IL1RAPL2: variants seen among roughly 807,000 people sequenced by gnomAD.
The protein encoded by IL1RAPL2 is X-linked interleukin-1 receptor accessory protein-like 2.
IL1RAPL2 carries 3 observed loss-of-function variants against 44.1 expected under a neutral mutation model. The observed-to-expected ratio is 0.07, with a 90% CI of 0.03 to 0.18. IL1RAPL2 has a LOEUF of 0.18. Ranked by LOEUF, IL1RAPL2 falls within the 10% of genes least tolerant of loss-of-function variation. The probability of loss-of-function intolerance (pLI) is 1.00; values close to 1 mark genes in which losing one functional copy is unlikely to be tolerated. For synonymous variants in IL1RAPL2, 181 were observed against 178.8 expected, an observed-to-expected ratio of 1.01 and a Z score of -0.10; for missense variants, 391 against 496.4, an observed-to-expected ratio of 0.79 and a Z score of 2.02.
intron 2 of IL1RAPL2, among the ~76,000 whole-genome samples, chrX:105,114,888 T>C (rs904122563): frequency 8.9e-6 from 1 of 111,973 alleles, no homozygotes; most frequent in Non-Finnish European, 1.9e-5. Context: ...AGTTGTCTTA[T>C]TAACAGCTAG....
intron 2 of IL1RAPL2, among the ~76,000 whole-genome samples, chrX:105,012,668 CACACACAG>C (rs2031081283): frequency 2.4e-5 from 2 of 83,848 alleles, no homozygotes; most frequent in Admixed American, 2.6e-4. Context: ...CACACACACA[CACACACAG>C]AGAGAGAGAG....
intron 2 of IL1RAPL2, among the ~76,000 whole-genome samples, chrX:104,721,780 T>C (rs1931681592): frequency 8.9e-6 from 1 of 111,958 alleles, no homozygotes; most frequent in Non-Finnish European, 1.9e-5. Flanking sequence ...TACCTTTCTT[T>C]AAGACTCAAA....
intron 2 of IL1RAPL2, among the ~76,000 whole-genome samples, chrX:104,806,377 C>A (rs1365300954): frequency 1.8e-5 from 2 of 112,327 alleles, no homozygotes; most frequent in Non-Finnish European, 1.9e-5. Context: ...TCAAGAGTTT[C>A]CTCAGTTCAG....
intron 2 of IL1RAPL2, among the ~76,000 whole-genome samples, chrX:105,030,220 CT>C (rs1253375417): frequency 9.0e-6 from 1 of 111,357 alleles, no homozygotes; most frequent in Non-Finnish European, 1.9e-5. Flanking sequence ...ATGGTAGTTT[CT>C]TTTGCTGTGC....
intron 2 of IL1RAPL2, among the ~76,000 whole-genome samples, chrX:104,908,842 T>C (rs1231423698): frequency 2.7e-5 from 3 of 110,740 alleles, no homozygotes; most frequent in South Asian, 3.9e-4. Flanking sequence ...TGAATCTGAA[T>C]GTTGGCCTGC....
At chrX:105,658,977 A>T (rs1042288000) in intron 6 of IL1RAPL2, among the ~76,000 whole-genome samples, 7 of 107,154 alleles carry the variant, frequency 6.5e-5, no homozygotes, top group Non-Finnish European at 1.3e-4. Context: ...AAAAAAAAAA[A>T]AAAATTAGGT....
intron 6 of IL1RAPL2, among the ~76,000 whole-genome samples, chrX:105,582,309 A>G (rs1405993413): frequency 9.0e-6 from 1 of 110,974 alleles, no homozygotes; most frequent in Non-Finnish European, 1.9e-5. Flanking sequence ...AGTCTTTTGT[A>G]TTTCCTACAA....
intron 1 of IL1RAPL2, among the ~76,000 whole-genome samples, chrX:104,569,651 C>G (rs771083741): frequency 3.1e-4 from 35 of 112,613 alleles, no homozygotes; most frequent in Non-Finnish European, 6.2e-4. Context: ...GTGACTATTT[C>G]AGTTTTGTTT....
intron 6 of IL1RAPL2, among the ~76,000 whole-genome samples, chrX:105,664,701 G>C (rs1360031726): frequency 8.9e-6 from 1 of 111,759 alleles, no homozygotes; most frequent in Non-Finnish European, 1.9e-5. Flanking sequence ...CTGGATCAGA[G>C]GGCCATAACA....
chrX:104,793,395 A>C (rs1223239303), intron 2 of IL1RAPL2, among the ~76,000 whole-genome samples: 1 of 111,893 alleles, frequency 8.9e-6, no homozygotes, highest in African/African-American at 3.3e-5. Flanking sequence ...ATATATGTTT[A>C]GGATATAATT....
intron 6 of IL1RAPL2, among the ~76,000 whole-genome samples, chrX:105,683,380 TTACTC>T (rs1247830681): frequency 9.0e-6 from 1 of 111,693 alleles, no homozygotes; most frequent in African/African-American, 3.3e-5. Flanking sequence ...AACTGACACT[TTACTC>T]TAGGACCCAT....
chrX:105,312,497 T>C (rs1354083618), intron 5 of IL1RAPL2, among the ~76,000 whole-genome samples: 3 of 111,909 alleles, frequency 2.7e-5, no homozygotes, highest in Non-Finnish European at 5.7e-5. Flanking sequence ...ACTTGCTCTT[T>C]TTTCTTTTTG....
intron 2 of IL1RAPL2, among the ~76,000 whole-genome samples, chrX:105,170,129 TA>T (rs2033410741): frequency 9.0e-6 from 1 of 110,783 alleles, no homozygotes; most frequent in South Asian, 3.9e-4. Flanking sequence ...AATGACCCTC[TA>T]AAAAAATGTA....
At chrX:104,929,495 A>C (rs1398500129) in intron 2 of IL1RAPL2, among the ~76,000 whole-genome samples, 1 of 111,783 alleles carries the variant, frequency 8.9e-6, no homozygotes, top group African/African-American at 3.3e-5. Context: ...TCTCAGTTCC[A>C]GAATTCCACT....
At chrX:105,432,920 A>AT (rs2035857814) in intron 5 of IL1RAPL2, among the ~76,000 whole-genome samples, 2 of 110,627 alleles carry the variant, frequency 1.8e-5, no homozygotes, top group South Asian at 7.9e-4. Context: ...ATAATAATTG[A>AT]TTTTTTTGTC....
At chrX:105,458,960 T>G (rs62604969) in intron 5 of IL1RAPL2, among the ~76,000 whole-genome samples, 11 of 111,573 alleles carry the variant, frequency 9.9e-5, no homozygotes, top group Admixed American at 1.9e-4. Context: ...CTATTGGCTG[T>G]TAAGGATACC....
chrX:104,746,016 G>A (rs1191599755), intron 2 of IL1RAPL2, among the ~76,000 whole-genome samples: 1 of 111,457 alleles, frequency 9.0e-6, no homozygotes, highest in Admixed American at 9.6e-5. Flanking sequence ...AATCATTTAA[G>A]ATATTGTAAA....
Position 105,660,022 on chromosome X carries a change from A to C in IL1RAPL2, c.773-57345A>C, listed in dbSNP as rs372574065. ...TAGAAGAAGATATAAATATTCAATT[A>C]CAAAAAGGTTATAGAACACCAGGTA... On this transcript the variant is annotated intron_variant, in intron 6 of 10. Transcript: ENST00000372582. 2.7e-5 allele frequency among the ~76,000 whole-genome samples: 3 copies of C among 111,733 alleles called. No individual in the cohort carries two copies. In the South Asian group the frequency reaches 1.1e-3, roughly 42 times the overall value.
chrX:105,053,669 A>C (rs1294128751), intron 2 of IL1RAPL2, among the ~76,000 whole-genome samples: 1 of 112,235 alleles, frequency 8.9e-6, no homozygotes, highest in Non-Finnish European at 1.9e-5. Flanking sequence ...GGCTTTATGC[A>C]AAATGACATA....
Sources: gnomAD v4.1 joint callset for allele counts (sites outside exome capture counted in the v4.1 genomes callset) on GRCh38, gnomAD v4.1.1 for gene constraint, MANE v1.5 for transcripts, NCBI Gene and HGNC (gene_info 2026-07-23, HGNC 2026-07-21) for gene names.